Variants in TRAT1 observed in about 807,000 individuals in gnomAD.
TRAT1 encodes T-cell receptor-associated transmembrane adapter 1.
Under a neutral mutation model 20.0 loss-of-function variants are expected in TRAT1, and 20 were observed. The observed-to-expected ratio is 1.00, with a 90% CI of 0.70 to 1.45. The LOEUF (loss-of-function observed/expected upper bound fraction) is 1.45, where lower values mean the gene tolerates loss of function less well. TRAT1 is among the 40% of genes most tolerant of loss of function. The pLI is 0.00. For missense variants in TRAT1, 237 were observed against 224.1 expected (o/e 1.06, Z -0.37); for synonymous variants, 77 against 74.2 (o/e 1.04, Z -0.20).
Position 108,843,707 on chromosome 3 carries a change from T to C in TRAT1, c.153-3361T>C, listed in dbSNP as rs539216335. On this transcript the variant is annotated intron_variant, in intron 3 of 5. Coordinates refer to ENST00000295756, the MANE Select transcript of TRAT1 (RefSeq NM_016388.4). Reference sequence around the variant, plus strand: ...TTCCTCTTCTTTCTTGAACCTACTCTATTCCATATGTCCTCACTAATACAC... The same window carrying C: ...TTCCTCTTCTTTCTTGAACCTACTCCATTCCATATGTCCTCACTAATACAC... Among the ~76,000 whole-genome samples the C allele has an allele frequency of 2.0e-5, 3 of 152,330 alleles. No homozygotes were observed. The South Asian group carries it at 6.2e-4, about 32-fold the overall frequency.
chr3:108,830,691 T>C lies in TRAT1; in HGVS notation c.29T>C (p.Phe10Ser). The change falls in exon 2 of 6, where the codon TTC becomes TCC. Residue 10 changes from phenylalanine to serine, a missense_variant. Phe to Ser is a radical substitution (Grantham distance 155, BLOSUM62 -2). Transcript: ENST00000295756. ...CCAGGAATCTCTGGGTGCCCCTTTT[T>C]CCTCTGGGGACTTCTAGCATTGTTG... Reference protein sequence around the residue: MSGISGCPFFLWGLLALLGL... With the variant: MSGISGCPFSLWGLLALLGL... 1.2e-6 allele frequency: 2 copies of C among 1,613,112 alleles called. No individual in the cohort carries two copies. The highest frequency in any genetic ancestry group is 1.7e-6 in the Non-Finnish European group (2 of 1,179,082).
At chr3:108,836,268 C>G (rs1047726030) in intron 2 of TRAT1, among the ~76,000 whole-genome samples, 3 of 152,114 alleles carry the variant, frequency 2.0e-5, no homozygotes, top group Non-Finnish European at 1.5e-5. Context: ...CACCAGCGTT[C>G]ATACTTCAAG....
At chr3:108,847,620 T>C (rs1161120823) in intron 4 of TRAT1, among the ~76,000 whole-genome samples, 1 of 152,136 alleles carries the variant, frequency 6.6e-6, no homozygotes, top group African/African-American at 2.4e-5. Context: ...TGCTGAGTGG[T>C]TTATATATTT....
chr3:108,845,140 A>G, intron 3 of TRAT1, among the ~76,000 whole-genome samples: 1 of 152,192 alleles, frequency 6.6e-6, no homozygotes, highest in Non-Finnish European at 1.5e-5. Context: ...GAGGTTTATT[A>G]CACATTTACA....
intron 5 of TRAT1, among the ~76,000 whole-genome samples, chr3:108,852,465 A>G (rs186290478): frequency 1.3e-5 from 2 of 152,256 alleles, no homozygotes; most frequent in African/African-American, 4.8e-5. Flanking sequence ...TCTGGCAGAG[A>G]ATATAAAATG....
chr3:108,849,199 A>G lies in TRAT1; in HGVS notation c.248A>G (p.Lys83Arg), dbSNP rs1945973869. The change falls in exon 5 of 6, where the codon AAA (lysine) becomes AGA (arginine). Residue 83 changes from lysine to arginine, a missense_variant. Physicochemically the swap from Lys to Arg is conservative, Grantham distance 26 (BLOSUM62 2). Transcript: ENST00000295756. The stretch of plus-strand genomic sequence containing the variant: ...GATGAAAATTGCTATGAACAAATGA[A>G]AGCCCGACCAGAGAAATCTGTAAAT... ...PMDENCYEQMKARPEKSVNKM... is the reference protein window; with the variant it reads ...PMDENCYEQMRARPEKSVNKM... 3 of 1,614,050 alleles carry G rather than the reference A, an allele frequency of 1.9e-6. No individual in the cohort carries two copies. In the African/African-American group the frequency reaches 4.0e-5, roughly 22 times the overall value.
chr3:108,841,200 A>G (rs1233370677), intron 3 of TRAT1, among the ~76,000 whole-genome samples: 1 of 152,256 alleles, frequency 6.6e-6, no homozygotes, highest in Non-Finnish European at 1.5e-5. Flanking sequence ...ATGGAAAGGC[A>G]TGAATCTTTC....
At chr3:108,841,024 A>G (rs1945892130) in intron 3 of TRAT1, among the ~76,000 whole-genome samples, 2 of 152,254 alleles carry the variant, frequency 1.3e-5, no homozygotes, top group African/African-American at 2.4e-5. Flanking sequence ...TTTCTGTGAG[A>G]GACTAGAATA....
chr3:108,822,819 G>GC lies in TRAT1; in HGVS notation c.-108dup. On this transcript the variant is annotated 5_prime_UTR_variant, in exon 1 of 6. An upstream open reading frame in the 5' UTR loses its in-frame stop. Transcript: ENST00000295756. ...TAAAGATAAGTTTTACTGTCATGCTGCTTTTAACATAACAGAGCAACATCA... is the reference window on the plus strand; with the variant it reads ...TAAAGATAAGTTTTACTGTCATGCTGCCTTTTAACATAACAGAGCAACATCA... 1.1e-6 allele frequency: 1 copy of GC among 869,816 alleles called. No individual in the cohort carries two copies. The highest frequency in any genetic ancestry group is 1.6e-5 in the South Asian group (1 of 63,208). 53.9% of individuals were successfully genotyped at this position (869,816 alleles called of 1,614,324 possible).
Position 108,849,244 on chromosome 3 carries a change from C to T in TRAT1, c.293C>T (p.Pro98Leu). The T allele has an allele frequency of 6.2e-7, 1 of 1,613,876 alleles. No individual in the cohort carries two copies. The highest frequency in any genetic ancestry group is 8.5e-7 in the Non-Finnish European group (1 of 1,179,830). Residue 98 changes from proline (P) to leucine (L), a missense_variant, in exon 5 of 6, where the codon CCA becomes CTA. Coordinates refer to ENST00000295756, the MANE Select transcript of TRAT1 (RefSeq NM_016388.4). ...GTAAATAAGATGCAGGAAGCCACCCCATCTGCACAGGTGAGTTTTGTTTTC... is the reference window on the plus strand; with the variant it reads ...GTAAATAAGATGCAGGAAGCCACCCTATCTGCACAGGTGAGTTTTGTTTTC... ...KSVNKMQEAT[P>L]SAQATNETQM...
At chr3:108,843,975 G>A (rs1248085375) in intron 3 of TRAT1, among the ~76,000 whole-genome samples, 1 of 152,094 alleles carries the variant, frequency 6.6e-6, no homozygotes, top group African/African-American at 2.4e-5. Context: ...CCTCTCTCAT[G>A]GCTTTAAACA....
At chr3:108,831,297 A>G (rs76841678) in intron 2 of TRAT1, among the ~76,000 whole-genome samples, 6,205 of 152,314 alleles carry the variant, frequency 0.041, 166 homozygotes, top group Middle Eastern at 0.11. Context: ...GGAGAGGTCA[A>G]GAGTATCTGC....
At chr3:108,846,032 C>A (rs1945939133) in intron 3 of TRAT1, among the ~76,000 whole-genome samples, 1 of 152,186 alleles carries the variant, frequency 6.6e-6, no homozygotes, top group South Asian at 2.1e-4. Flanking sequence ...GTCGGGGAGA[C>A]ATAAAACTGT....
intron 2 of TRAT1, among the ~76,000 whole-genome samples, chr3:108,836,440 A>C (rs1490623958): frequency 4.6e-5 from 7 of 152,058 alleles, no homozygotes; most frequent in Non-Finnish European, 1.0e-4. Flanking sequence ...TTTCAAATTA[A>C]TGCTCAGCTG....
At position 108,822,855 on chromosome 3, in the gene TRAT1, A is replaced by C; in HGVS notation, c.-73A>C. 1 of 1,404,564 alleles carries C rather than the reference A, an allele frequency of 7.1e-7. No homozygotes were observed. The highest frequency in any genetic ancestry group is 1.0e-6 in the Non-Finnish European group (1 of 996,752). The allele number at this position is 1,404,564 out of a possible 1,614,324, so 87.0% of individuals were successfully genotyped here. On this transcript the variant is annotated 5_prime_UTR_variant, in exon 1 of 6. Transcript: ENST00000295756. The stretch of plus-strand genomic sequence containing the variant: ...AACAGAGCAACATCACCTAGGAAAA[A>C]AGTTTGTAGGAGGATTTTTAATCCA...
Position 108,838,826 on chromosome 3 carries a change from A to C in TRAT1, c.119-108A>C, listed in dbSNP as rs536958767. 49 of 855,262 alleles carry C rather than the reference A, an allele frequency of 5.7e-5. No homozygotes were observed. The African/African-American group carries it at 7.6e-4, about 13-fold the overall frequency. The allele number at this position is 855,262 out of a possible 1,614,324, so 53.0% of individuals were successfully genotyped here. A position where few individuals can be genotyped will look rare whatever the true frequency, so the allele number is the denominator to read the frequency against. ...GAGGTGCCCTGAGAGCCTTGGTCAAATATATTAATTGACATTGAGGCTAAA... is the reference window on the plus strand; with the variant it reads ...GAGGTGCCCTGAGAGCCTTGGTCAACTATATTAATTGACATTGAGGCTAAA... On this transcript the variant is annotated intron_variant, in intron 2 of 5. Transcript: ENST00000295756.
chr3:108,834,819 A>G (rs1482287768), intron 2 of TRAT1, among the ~76,000 whole-genome samples: 1 of 152,244 alleles, frequency 6.6e-6, no homozygotes, highest in African/African-American at 2.4e-5. Flanking sequence ...CAGATAGACC[A>G]GATAAGCCTC....
At chr3:108,835,486 C>T (rs1229575080) in intron 2 of TRAT1, among the ~76,000 whole-genome samples, 2 of 152,186 alleles carry the variant, frequency 1.3e-5, no homozygotes, top group African/African-American at 2.4e-5. Context: ...GAAGCCTGAG[C>T]TTGCTGGCTT....
At chr3:108,845,296 T>C (rs1026789019) in intron 3 of TRAT1, among the ~76,000 whole-genome samples, 1 of 152,256 alleles carries the variant, frequency 6.6e-6, no homozygotes, top group Non-Finnish European at 1.5e-5. Context: ...AATCACATCT[T>C]ATTTTCATTC....
Sources: allele counts gnomAD v4.1 joint callset (sites outside exome capture counted in the v4.1 genomes callset), GRCh38; gene constraint gnomAD v4.1.1; transcripts MANE v1.5; gene names NCBI Gene and HGNC (gene_info 2026-07-23, HGNC 2026-07-21).